Variants in L3HYPDH observed in about 807,000 individuals in gnomAD.
The protein encoded by L3HYPDH is trans-L-3-hydroxyproline dehydratase, also known as trans-3-hydroxy-L-proline dehydratase.
A neutral mutation model predicts 26.5 loss-of-function variants in L3HYPDH; 32 were observed. The ratio of observed to expected loss-of-function variants is 1.21; its 90% confidence interval spans 0.91 to 1.62. The LOEUF is 1.62. Ranked by LOEUF, L3HYPDH falls within the 40% of genes most tolerant of loss-of-function variation. The pLI is 0.00. For missense variants in L3HYPDH, 554 were observed against 476.4 expected (o/e 1.16, Z -1.52); for synonymous variants, 215 against 196.6 (o/e 1.09, Z -0.78).
the L3HYPDH span, among the ~76,000 whole-genome samples, chr14:59,490,274 C>A: frequency 6.6e-5 from 10 of 152,208 alleles, no homozygotes; most frequent in African/African-American, 2.4e-4. Flanking sequence ...AGTGAGAACT[C>A]ACTCATTACT....
the L3HYPDH span, among the ~76,000 whole-genome samples, chr14:59,494,575 T>C: frequency 6.6e-6 from 1 of 152,198 alleles, no homozygotes; most frequent in Non-Finnish European, 1.5e-5. Flanking sequence ...GTTTGGTACA[T>C]GGTTGCCTCT....
Position 59,484,340 on chromosome 14 carries a change from A to ACGGTCCCGCAGCTATGGCTTCAAGC in L3HYPDH, c.-49_-25dup. On this transcript the variant is annotated 5_prime_UTR_variant, in exon 1 of 5. Transcript: ENST00000247194. ...ATGGTCTGCGTCGGGGGAGACGAGT[A>ACGGTCCCGCAGCTATGGCTTCAAGC]CGGTCCCGCAGCTATGGCTTCAAGC... is the stretch of plus-strand genomic sequence containing the variant. 1 of 1,562,622 alleles carries ACGGTCCCGCAGCTATGGCTTCAAGC rather than the reference A, an allele frequency of 6.4e-7. No homozygotes were observed. The highest frequency in any genetic ancestry group is 8.6e-7 in the Non-Finnish European group (1 of 1,160,224).
At chr14:59,473,632 T>G (rs1296370201) in intron 4 of L3HYPDH, among the ~76,000 whole-genome samples, 1 of 152,178 alleles carries the variant, frequency 6.6e-6, no homozygotes, top group Non-Finnish European at 1.5e-5. Context: ...GACAGTCATT[T>G]AGAGATGAGT....
At chr14:59,500,947 C>T in the L3HYPDH span, 5 of 410,498 alleles carry the variant, frequency 1.2e-5, no homozygotes, top group Non-Finnish European at 2.2e-5. Flanking sequence ...TCTATGGCTG[C>T]TTTCCCACTA....
At chr14:59,485,955 A>C (rs979045720), upstream of L3HYPDH, 1 of 152,258 alleles carries the variant, frequency 6.6e-6, no homozygotes, top group Middle Eastern at 3.2e-3. Flanking sequence ...GAAGGGAATC[A>C]GATGTCACTG....
At chr14:59,498,737 G>A in the L3HYPDH span, 1 of 1,516,680 alleles carries the variant, frequency 6.6e-7, no homozygotes, top group African/African-American at 1.4e-5. Flanking sequence ...ATATACCATT[G>A]TATTTATCTA....
chr14:59,489,969 C>T, the L3HYPDH span, among the ~76,000 whole-genome samples: 10 of 152,054 alleles, frequency 6.6e-5, no homozygotes, highest in Non-Finnish European at 1.2e-4. Context: ...GTCACCTAGG[C>T]TGTATTGCAG....
the L3HYPDH span, chr14:59,498,869 A>G: frequency 3.1e-6 from 5 of 1,611,562 alleles, no homozygotes; most frequent in African/African-American, 1.3e-5. Flanking sequence ...CTTCTTCCCA[A>G]TTTTAACCGT....
rs1486180166 is a variant in L3HYPDH, at chr14:59,474,412, T to C, written c.940-1322A>G. 5 of 651,560 alleles carry C rather than the reference T, an allele frequency of 7.7e-6. No homozygotes were observed. In the African/African-American group the frequency reaches 9.1e-5, roughly 12 times the overall value. The allele number at this position is 651,560 out of a possible 1,614,324, so 40.4% of individuals were successfully genotyped here. On this transcript the variant is annotated intron_variant, in intron 4 of 4. Coordinates refer to ENST00000247194, the MANE Select transcript of L3HYPDH (RefSeq NM_144581.2). The stretch of plus-strand genomic sequence containing the variant: ...TTCCCAGGAGTGCCTTATATGGAAG[T>C]TCTAATAAATGCATCTACTTGCCAA...
At chr14:59,504,297 G>A in the L3HYPDH span, 2 of 498,294 alleles carry the variant, frequency 4.0e-6, no homozygotes, top group Non-Finnish European at 7.1e-6. Flanking sequence ...CTGCTACACT[G>A]GAAGGCCGCT....
intron 1 of L3HYPDH, among the ~76,000 whole-genome samples, chr14:59,479,996 T>C (rs923125895): frequency 2.0e-5 from 3 of 152,190 alleles, no homozygotes; most frequent in African/African-American, 7.2e-5. Context: ...TGAAGGTCAG[T>C]AGTTTGAAAT....
intron 4 of L3HYPDH, chr14:59,474,542 T>C (rs1889493759): frequency 1.4e-6 from 1 of 698,550 alleles, no homozygotes; most frequent in East Asian, 2.7e-5. Flanking sequence ...ATATAAAGCC[T>C]CATTGACCTT....
At chr14:59,476,412 T>A (rs998645896) in intron 2 of L3HYPDH, among the ~76,000 whole-genome samples, 198 bp from the exon 3 acceptor site, 1 of 152,240 alleles carries the variant, frequency 6.6e-6, no homozygotes, top group African/African-American at 2.4e-5. Context: ...AATTTATAAT[T>A]CTTATCATAC....
At chr14:59,494,888 G>GTT in the L3HYPDH span, 8 of 652,842 alleles carry the variant, frequency 1.2e-5, no homozygotes, top group Middle Eastern at 2.6e-4. Context: ...AGAAAAAAAG[G>GTT]TTATACTCGA....
At chr14:59,471,133 G>A (rs191229704), downstream of L3HYPDH, among the ~76,000 whole-genome samples, 94 of 152,190 alleles carry the variant, frequency 6.2e-4, 1 homozygote, top group East Asian at 0.016. Context: ...TTTCCCTAAT[G>A]TTTTTTAGTT....
At chr14:59,503,394 C>T in the L3HYPDH span, among the ~76,000 whole-genome samples, 12 of 152,128 alleles carry the variant, frequency 7.9e-5, no homozygotes, top group Admixed American at 7.9e-4. Context: ...GTCATTTCTG[C>T]CCCCTTACTA....
the L3HYPDH span, among the ~76,000 whole-genome samples, chr14:59,499,061 A>G: frequency 1.8e-5 from 2 of 108,140 alleles, no homozygotes; most frequent in African/African-American, 3.8e-5. Context: ...ATCTCACTCT[A>G]TCACCAGGCT....
At chr14:59,481,778 G>A (rs145173512) in intron 1 of L3HYPDH, among the ~76,000 whole-genome samples, 1 of 152,180 alleles carries the variant, frequency 6.6e-6, no homozygotes, top group Non-Finnish European at 1.5e-5. Context: ...AAATTTTAAG[G>A]ATGAGAGGGA....
At chr14:59,476,521 G>A (rs1889643717) in intron 2 of L3HYPDH, among the ~76,000 whole-genome samples, 1 of 152,082 alleles carries the variant, frequency 6.6e-6, no homozygotes, top group Non-Finnish European at 1.5e-5. Flanking sequence ...CATAGTCTTT[G>A]CAGCACTGAC....
Sources: gnomAD v4.1 joint callset for allele counts (sites outside exome capture counted in the v4.1 genomes callset) on GRCh38, gnomAD v4.1.1 for gene constraint, MANE v1.5 for transcripts, NCBI Gene and HGNC (gene_info 2026-07-23, HGNC 2026-07-21) for gene names.